TEX11: variants seen among roughly 807,000 people sequenced by gnomAD.
TEX11 encodes testis-expressed protein 11.
TEX11 carries 7 observed loss-of-function variants against 84.4 expected under a neutral mutation model. The observed-to-expected ratio is 0.08, with a 90% CI of 0.05 to 0.16. TEX11 has a LOEUF of 0.16. Ranked by LOEUF, TEX11 falls within the 10% of genes least tolerant of loss-of-function variation. TEX11 has a pLI of 1.00. For missense variants in TEX11, 551 were observed against 660.5 expected, an observed-to-expected ratio of 0.83 and a Z score of 1.82; for synonymous variants, 264 against 222.8, an observed-to-expected ratio of 1.18 and a Z score of -1.64.
At chrX:70,572,404 G>A (rs2088612857) in intron 25 of TEX11, among the ~76,000 whole-genome samples, 1 of 111,558 alleles carries the variant, frequency 9.0e-6, no homozygotes, top group Non-Finnish European at 1.9e-5. Context: ...CTGTTGGTGG[G>A]ACTGTAAACT....
intron 2 of TEX11, among the ~76,000 whole-genome samples, chrX:70,904,843 TATA>T (rs1243694322): frequency 1.3e-4 from 15 of 112,901 alleles, no homozygotes; most frequent in South Asian, 7.2e-4. Context: ...TTGATTATGT[TATA>T]ATAACATTTT....
chrX:70,781,871 G>A (rs186127664), intron 9 of TEX11, among the ~76,000 whole-genome samples: 3 of 111,828 alleles, frequency 2.7e-5, no homozygotes, highest in African/African-American at 6.5e-5. Context: ...GTGGAGAATG[G>A]AACCAAGCTG....
intron 2 of TEX11, among the ~76,000 whole-genome samples, chrX:70,894,599 C>T (rs1193282892): frequency 9.2e-6 from 1 of 108,587 alleles, no homozygotes; most frequent in Non-Finnish European, 1.9e-5. Context: ...GCCCTCTAGC[C>T]TGGCGACAGA....
intron 24 of TEX11, 75 bp downstream of exon 24, chrX:70,605,326 G>C (rs1361183349): frequency 3.1e-6 from 2 of 649,326 alleles, no homozygotes; most frequent in Admixed American, 5.8e-5. Flanking sequence ...GAATCAAAAA[G>C]AACTGCATCA....
At position 70,729,785 on chromosome X, in the gene TEX11, T is replaced by A. The variant is rs757080679; in HGVS notation, c.844-4442A>T. Among the ~76,000 whole-genome samples, 5 of 110,999 alleles carry A rather than the reference T, an allele frequency of 4.5e-5. No homozygotes were observed. The South Asian group carries it at 1.9e-3, about 43-fold the overall frequency. ...CCCAATCTAGCAAGGCAGGCCAGCATTCAGATTCAGGAAATACAGAGAACG... is the reference window on the plus strand; with the variant it reads ...CCCAATCTAGCAAGGCAGGCCAGCAATCAGATTCAGGAAATACAGAGAACG... On this transcript the variant is annotated intron_variant, in intron 11 of 29. Transcript: ENST00000374333.
At chrX:70,654,588 G>A (rs1042556623) in intron 16 of TEX11, among the ~76,000 whole-genome samples, 2 of 108,294 alleles carry the variant, frequency 1.8e-5, no homozygotes, top group Non-Finnish European at 3.8e-5. Context: ...GCACACATCT[G>A]TGATCCCAGC....
At chrX:70,728,384 C>T (rs1324979029) in intron 11 of TEX11, among the ~76,000 whole-genome samples, 1 of 113,154 alleles carries the variant, frequency 8.8e-6, no homozygotes, top group African/African-American at 3.2e-5. Context: ...ACCAGGGAAG[C>T]ACAAGGGGTC....
chrX:70,783,400 C>G (rs2091055351), intron 9 of TEX11, among the ~76,000 whole-genome samples: 1 of 111,279 alleles, frequency 9.0e-6, no homozygotes, highest in African/African-American at 3.3e-5. Context: ...AATCGACATC[C>G]TAACATCACA....
downstream of TEX11, among the ~76,000 whole-genome samples, chrX:70,525,076 G>C (rs2087810588): frequency 9.0e-6 from 1 of 111,080 alleles, no homozygotes; most frequent in Non-Finnish European, 1.9e-5. Context: ...CACTACTCGG[G>C]AGGCTGAGGC....
At chrX:70,533,961 G>A (rs1205200415) in intron 28 of TEX11, among the ~76,000 whole-genome samples, 1 of 107,564 alleles carries the variant, frequency 9.3e-6, no homozygotes, top group Non-Finnish European at 1.9e-5. Flanking sequence ...GCGTGGTGGC[G>A]GGTGCCTGTA....
chrX:70,837,432 C>T (rs1033526043), intron 7 of TEX11, among the ~76,000 whole-genome samples: 2 of 110,599 alleles, frequency 1.8e-5, no homozygotes, highest in African/African-American at 6.6e-5. Context: ...CAAGGTGGCA[C>T]ATGCCTGTAA....
intron 9 of TEX11, among the ~76,000 whole-genome samples, chrX:70,748,901 C>A (rs777106341): frequency 5.6e-4 from 58 of 102,762 alleles, no homozygotes; most frequent in Admixed American, 5.3e-3. Context: ...CTTGGCAATG[C>A]GGGCTCTTTT....
At position 70,870,143 on chromosome X, in the gene TEX11, CA is replaced by C. The variant is rs1247368092; in HGVS notation, c.244+3079del. On this transcript the variant is annotated intron_variant, in intron 4 of 29. Coordinates refer to ENST00000374333, the MANE Select transcript of TEX11 (RefSeq NM_031276.3). ...ATAAACACGGGGTTATACCCTCTGA[CA>C]TTTATAAATTTTTAAATTATTGTTT... Among the ~76,000 whole-genome samples, 3 of 111,744 alleles carry C rather than the reference CA, an allele frequency of 2.7e-5. No individual in the cohort carries two copies. The East Asian group carries it at 8.4e-4, about 31-fold the overall frequency.
intron 9 of TEX11, among the ~76,000 whole-genome samples, chrX:70,745,734 G>GAAAT (rs1456077251): frequency 9.0e-6 from 1 of 111,681 alleles, no homozygotes; most frequent in Non-Finnish European, 1.9e-5. Flanking sequence ...ACTGTGTCTC[G>GAAAT]AAATAAATAA....
intron 17 of TEX11, among the ~76,000 whole-genome samples, chrX:70,650,081 A>G (rs752456319): frequency 1.8e-5 from 2 of 112,045 alleles, no homozygotes; most frequent in Admixed American, 9.5e-5. Flanking sequence ...TTTATATGAC[A>G]TTCTGGAAAA....
chrX:70,785,114 G>A (rs957328393), intron 9 of TEX11, among the ~76,000 whole-genome samples: 1 of 111,725 alleles, frequency 9.0e-6, no homozygotes, highest in Non-Finnish European at 1.9e-5. Context: ...GCATGACACT[G>A]GTACTAAAGC....
intron 9 of TEX11, among the ~76,000 whole-genome samples, chrX:70,773,036 A>T (rs1292443607): frequency 9.0e-6 from 1 of 110,830 alleles, no homozygotes; most frequent in African/African-American, 3.3e-5. Context: ...ACAACAAAAA[A>T]AACACTATAG....
intron 11 of TEX11, among the ~76,000 whole-genome samples, chrX:70,730,753 A>G (rs183873675): frequency 0.019 from 2,100 of 111,644 alleles, 49 homozygotes; most frequent in African/African-American, 0.065. Context: ...ACACGACAGA[A>G]AGTTAACAAG....
chrX:70,707,770 G>A (rs2090389330), intron 13 of TEX11, among the ~76,000 whole-genome samples: 1 of 110,959 alleles, frequency 9.0e-6, no homozygotes, highest in Non-Finnish European at 1.9e-5. Flanking sequence ...TAAAATGAAT[G>A]TCAGTGCACA....
Sources: gnomAD v4.1 joint callset for allele counts (sites outside exome capture counted in the v4.1 genomes callset) on GRCh38, gnomAD v4.1.1 for gene constraint, MANE v1.5 for transcripts, NCBI Gene and HGNC (gene_info 2026-07-23, HGNC 2026-07-21) for gene names.